CDON: variants seen among roughly 807,000 people sequenced by gnomAD.
The protein encoded by CDON is cell adhesion associated, oncogene regulated.
CDON carries 73 observed loss-of-function variants against 120.9 expected under a neutral mutation model. The observed-to-expected ratio is 0.60, with a 90% CI of 0.50 to 0.73. CDON has a LOEUF of 0.73. Ranked by LOEUF, CDON falls within the 30% of genes least tolerant of loss-of-function variation. The probability of loss-of-function intolerance (pLI) is 0.00; values close to 1 mark genes in which losing one functional copy is unlikely to be tolerated. For missense variants in CDON, 1,470 were observed against 1,587.3 expected (o/e 0.93, Z 1.26); for synonymous variants, 566 against 573.5 (o/e 0.99, Z 0.19).
At chr11:126,054,987 T>C (rs1241666068) in intron 1 of CDON, among the ~76,000 whole-genome samples, 1 of 152,178 alleles carries the variant, frequency 6.6e-6, no homozygotes, top group African/African-American at 2.4e-5. Context: ...AGTAGGCATA[T>C]AACCCTGTAC....
Position 125,984,108 on chromosome 11 carries a change from A to G in CDON, c.2774-15T>C, listed in dbSNP as rs752694077. ...AACACGTTTCACTAGTTGAAATATA[A>G]AGGAAAACATGATGTCAGAGTGAAT... is the stretch of plus-strand genomic sequence containing the variant. On this transcript the variant is annotated splice_polypyrimidine_tract_variant and intron_variant, in intron 15 of 19. Transcript: ENST00000531738. The G allele has an allele frequency of 6.5e-7, 1 of 1,547,922 alleles. No homozygotes were observed. The highest frequency in any genetic ancestry group is 8.9e-7 in the Non-Finnish European group (1 of 1,119,712).
At chr11:125,976,084 A>G (rs1946142315) in intron 18 of CDON, among the ~76,000 whole-genome samples, 3 of 152,238 alleles carry the variant, frequency 2.0e-5, no homozygotes, top group African/African-American at 7.2e-5. Context: ...ATAATTTTCT[A>G]TATTTTGAGA....
At chr11:126,042,179 C>T (rs1170992683) in intron 1 of CDON, among the ~76,000 whole-genome samples, 2 of 152,236 alleles carry the variant, frequency 1.3e-5, no homozygotes, top group Admixed American at 6.5e-5. Context: ...CCACCAAGCC[C>T]GGCCAATTTG....
chr11:126,023,530 T>C lies in CDON; in HGVS notation c.-54A>G. The C allele has an allele frequency of 8.0e-7, 1 of 1,252,332 alleles. No homozygotes were observed. 77.6% of individuals were successfully genotyped at this position (1,252,332 alleles called of 1,614,324 possible). ...AGGCTTCCAGAGCAAAACCCAGTCC[T>C]TGGTTCACTAAAAAAGAAAAAGGAA... On this transcript the variant is annotated 5_prime_UTR_variant, in exon 2 of 20. Coordinates refer to ENST00000531738, the MANE Select transcript of CDON (RefSeq NM_001378964.1).
At chr11:125,961,569 A>G (rs2134337257) in intron 19 of CDON, 155 bp downstream of exon 19, 2 of 895,540 alleles carry the variant, frequency 2.2e-6, no homozygotes, top group Admixed American at 2.6e-5. Context: ...CTTGAGTCCT[A>G]TCTTTTCCTG....
At position 126,034,685 on chromosome 11, in the gene CDON, T is replaced by C. The variant is rs79864933; in HGVS notation, c.-61-11148A>G. Among the ~76,000 whole-genome samples, 9,877 of 152,226 alleles carry C rather than the reference T, an allele frequency of 0.065. 461 individuals are homozygous for C. Among genetic ancestry groups the C allele is most frequent in the East Asian group, 0.13 (667 of 5,172 alleles). ...GGAGCATTATAAATATTTAAAAGCA[T>C]AGCTGCATACAAATGGTGAAATTCT... On this transcript the variant is annotated intron_variant, in intron 1 of 19. Coordinates refer to ENST00000531738, the MANE Select transcript of CDON (RefSeq NM_001378964.1). This position sits in a 1 kb window ranked among gnomAD's most constrained non-coding sequence, Gnocchi z 4.5.
chr11:126,030,343 T>C (rs1350393056), intron 1 of CDON, among the ~76,000 whole-genome samples: 1 of 152,238 alleles, frequency 6.6e-6, no homozygotes, highest in Non-Finnish European at 1.5e-5. Flanking sequence ...GATTACTTTG[T>C]TTTTGAAGCA....
At chr11:126,041,845 A>G (rs1948271801) in intron 1 of CDON, among the ~76,000 whole-genome samples, 1 of 152,218 alleles carries the variant, frequency 6.6e-6, no homozygotes, top group Non-Finnish European at 1.5e-5. Context: ...TCCAGCTTGC[A>G]TGTGAGTTGT....
intron 7 of CDON, 99 bp downstream of exon 7, chr11:126,015,142 G>T: frequency 8.6e-7 from 1 of 1,166,890 alleles, no homozygotes; most frequent in Non-Finnish European, 1.3e-6. Context: ...ACGGTGCTAG[G>T]GTTATTTTCT....
In CDON at chr11:125,959,263, T is replaced by A. The variant is rs1945573304; in HGVS notation, c.*1679A>T. On this transcript the variant is annotated 3_prime_UTR_variant, in exon 20 of 20. Transcript: ENST00000531738. ...TTGGTTAACACAGTATTGTATTCTA[T>A]TCCACTGCGATTTCTGGGAAACTAA... The A allele has an allele frequency of 1.3e-5, 2 of 152,210 alleles. No homozygotes were observed. The highest frequency in any genetic ancestry group is 4.1e-4 in the South Asian group (2 of 4,832). 9.4% of individuals were successfully genotyped at this position (152,210 alleles called of 1,614,324 possible). A position where few individuals can be genotyped will look rare whatever the true frequency, so the allele number is the denominator to read the frequency against.
At chr11:126,033,223 T>C (rs916443998) in intron 1 of CDON, among the ~76,000 whole-genome samples, 9 of 152,116 alleles carry the variant, frequency 5.9e-5, no homozygotes, top group African/African-American at 2.2e-4. Context: ...GGGTCTTCTG[T>C]GGTCTGCTGC....
rs767064489 is a variant in CDON, at chr11:125,956,998, T to G, written c.*3944A>C. 2 of 369,756 alleles carry G rather than the reference T, an allele frequency of 5.4e-6. No homozygotes were observed. Among genetic ancestry groups the G allele is most frequent in the Non-Finnish European group, 7.5e-6 (2 of 267,670 alleles). The allele number at this position is 369,756 out of a possible 1,614,324, so 22.9% of individuals were successfully genotyped here. ...TTCTGGTCAGACAAGCCTAGAGATG[T>G]GTATTTTCTTAGGGCAGTAAAACAA... On this transcript the variant is annotated 3_prime_UTR_variant, in exon 20 of 20. Coordinates refer to ENST00000531738, the MANE Select transcript of CDON (RefSeq NM_001378964.1).
intron 7 of CDON, among the ~76,000 whole-genome samples, chr11:126,013,514 T>A (rs1947365328): frequency 6.6e-6 from 1 of 152,072 alleles, no homozygotes. Context: ...TTATTTCTTT[T>A]CAGTCAGCAT....
chr11:125,968,453 C>A (rs768670658), intron 18 of CDON, among the ~76,000 whole-genome samples: 1 of 152,118 alleles, frequency 6.6e-6, no homozygotes, highest in African/African-American at 2.4e-5. Context: ...GAGACAGAGG[C>A]GCAAGGGCCA....
chr11:125,978,257 C>T (rs1445512729), intron 18 of CDON, 47 bp downstream of exon 18: 1 of 968,022 alleles, frequency 1.0e-6, no homozygotes, highest in Admixed American at 1.9e-5. Flanking sequence ...TAAAAGGATG[C>T]ATATGCCTTA....
chr11:125,993,589 T>C (rs1048355591), intron 14 of CDON, among the ~76,000 whole-genome samples: 1 of 152,086 alleles, frequency 6.6e-6, no homozygotes, highest in African/African-American at 2.4e-5. Flanking sequence ...TTTTGAAAAG[T>C]GGGACAATTT....
In CDON at chr11:125,984,009, C is replaced by T. The variant is rs781279453; in HGVS notation, c.2858G>A (p.Gly953Glu). Residue 953 changes from glycine to glutamate, a missense_variant, in exon 16 of 20, where the codon GGG (glycine) becomes GAG (glutamate). Physicochemically the swap from Gly to Glu is moderately conservative, Grantham distance 98 (BLOSUM62 -2). Transcript: ENST00000531738. ...GCTTCTGGCAGGGCTGGTTGCAGGC[C>T]CCACATTTCCTCCACTTCCCAAAGA... ...PNSLGSGGNV[G>E]PATSPARSSD... is the part of the protein sequence containing the mutation. 1.9e-6 allele frequency: 3 copies of T among 1,614,002 alleles called. No individual in the cohort carries two copies. Among genetic ancestry groups the T allele is most frequent in the South Asian group, 2.2e-5 (2 of 91,072 alleles).
chr11:126,054,468 C>T (rs940043014), intron 1 of CDON, among the ~76,000 whole-genome samples: 8 of 152,134 alleles, frequency 5.3e-5, no homozygotes, highest in Admixed American at 4.6e-4. Flanking sequence ...TTATCTAAAG[C>T]TTTCGTTTAT....
intron 1 of CDON, among the ~76,000 whole-genome samples, chr11:126,024,177 G>A (rs1947719796): frequency 6.6e-6 from 1 of 152,194 alleles, no homozygotes; most frequent in East Asian, 1.9e-4. Flanking sequence ...AGGCAGGCTG[G>A]ACCAGATCAC....
Sources: gnomAD v4.1 joint callset for allele counts (sites outside exome capture counted in the v4.1 genomes callset) on GRCh38, gnomAD v4.1.1 for gene constraint, Gnocchi (gnomAD v3.1) non-coding constraint, MANE v1.5 for transcripts, NCBI Gene and HGNC (gene_info 2026-07-23, HGNC 2026-07-21) for gene names.